The following AKNAD1 variants were observed in gnomAD, a reference collection of about 807,000 sequenced individuals.
AKNAD1 encodes AKNA domain containing 1, also known as protein AKNAD1.
In AKNAD1, 67 loss-of-function variants were observed where a neutral mutation model predicts 90.8. That is an observed-to-expected ratio of 0.74 (90% CI 0.61 to 0.90). The LOEUF (loss-of-function observed/expected upper bound fraction) is 0.90. Ranked by LOEUF, AKNAD1 falls within the 40% of genes least tolerant of loss-of-function variation. The pLI, the probability that AKNAD1 is intolerant of heterozygous loss-of-function variation, is 0.00. For missense variants in AKNAD1, 957 were observed against 975.4 expected (o/e 0.98, Z 0.25); for synonymous variants, 327 against 341.4 (o/e 0.96, Z 0.46).
At chr1:108,826,741 TC>T (rs67732846) in intron 11 of AKNAD1, among the ~76,000 whole-genome samples, 49,610 of 124,138 alleles carry the variant, frequency 0.4, 10,578 homozygotes, top group Non-Finnish European at 0.49. Context: ...CTTTTCTTTT[TC>T]TTTTTTTTTT....
intron 15 of AKNAD1, 100 bp from the exon 16 acceptor site, chr1:108,816,402 G>A (rs1204543400): frequency 5.1e-5 from 66 of 1,295,638 alleles, no homozygotes; most frequent in Non-Finnish European, 6.5e-5. Flanking sequence ...GGAATTTGGG[G>A]AGTATTCCTG....
intron 6 of AKNAD1, among the ~76,000 whole-genome samples, 153 bp from the exon 7 acceptor site, chr1:108,837,859 G>C (rs1393967535): frequency 1.3e-5 from 2 of 152,200 alleles, no homozygotes; most frequent in African/African-American, 4.8e-5. Flanking sequence ...ACTGTTCATA[G>C]TTTCTCTGAC....
intron 6 of AKNAD1, 46 bp downstream of exon 6, chr1:108,843,088 G>A: frequency 6.3e-7 from 1 of 1,598,760 alleles, no homozygotes; most frequent in African/African-American, 1.3e-5. Context: ...ACCTGAAGGA[G>A]ATCACCTTTG....
intron 10 of AKNAD1, 44 bp from the exon 11 acceptor site, chr1:108,827,346 C>T: frequency 7.1e-7 from 1 of 1,403,242 alleles, no homozygotes; most frequent in Non-Finnish European, 1.0e-6. Flanking sequence ...TAGTGCATTT[C>T]CAATAGATAG....
intron 7 of AKNAD1, 103 bp from the exon 8 acceptor site, chr1:108,835,159 A>G (rs1570810792): frequency 3.0e-6 from 4 of 1,354,436 alleles, no homozygotes; most frequent in Non-Finnish European, 3.9e-6. Flanking sequence ...GCACCATAAC[A>G]TCCTGCCTGG....
intron 1 of AKNAD1, among the ~76,000 whole-genome samples, chr1:108,856,718 T>TAAACACACACACACACA (rs1287589720): frequency 2.8e-5 from 4 of 142,844 alleles, no homozygotes; most frequent in Non-Finnish European, 4.5e-5. Context: ...TCTCTCTCTC[T>TAAACACACACACACACA]CACACACACA....
Position 108,830,624 on chromosome 1 carries a change from C to T in AKNAD1, c.1773G>A (p.Arg591=), listed in dbSNP as rs1210898599. 2 of 1,614,008 alleles carry T rather than the reference C, an allele frequency of 1.2e-6. No homozygotes were observed. The highest frequency in any genetic ancestry group is 1.7e-6 in the Non-Finnish European group (2 of 1,180,046). The change falls in exon 10 of 16, where the codon AGG becomes AGA. Residue 591 remains arginine, a synonymous_variant. Transcript: ENST00000370001. The part of the protein sequence containing the change: ...SGEDPNGTPR[R]QDCAEMTAPS... ...GTGCCGTCATCTCTGCACAATCCTGCCTTCTTGGAGTGCCGTTGGGATCCT... is the reference window on the plus strand; with the variant it reads ...GTGCCGTCATCTCTGCACAATCCTGTCTTCTTGGAGTGCCGTTGGGATCCT...
chr1:108,823,013 T>C, intron 13 of AKNAD1: 1 of 602,992 alleles, frequency 1.7e-6, no homozygotes, highest in Non-Finnish European at 3.0e-6. Context: ...AGTAGGGATA[T>C]ATGTAAAGCA....
rs1339114979 is a variant in AKNAD1 at position 108,851,770 on chromosome 1, C to G, written c.895G>C (p.Val299Leu). The change falls in exon 2 of 16, where the codon GTG becomes CTG. Residue 299 changes from valine (V) to leucine (L), a missense_variant. Transcript: ENST00000370001. ...SSKSRDKPTL[V>L]QDSLETTPES... ...GGCGTGGTTTCTAGACTATCTTGCA[C>G]AAGAGTGGGTTTATCTCTCGACTTG... 6.2e-7 allele frequency: 1 copy of G among 1,614,004 alleles called. No homozygotes were observed. Among genetic ancestry groups the G allele is most frequent in the Non-Finnish European group, 8.5e-7 (1 of 1,180,002 alleles).
chr1:108,834,631 G>A (rs1664323038), intron 8 of AKNAD1, 103 bp from the exon 9 acceptor site: 2 of 1,203,288 alleles, frequency 1.7e-6, no homozygotes, highest in Non-Finnish European at 2.3e-6. Flanking sequence ...CTGGGATGGT[G>A]GGAGCGAGCA....
rs1570788994 is a variant in AKNAD1, at chr1:108,818,872, A to T, written c.2249+1673T>A. Among the ~76,000 whole-genome samples, 5 of 150,340 alleles carry T rather than the reference A, an allele frequency of 3.3e-5. No individual in the cohort carries two copies. In the East Asian group the frequency reaches 8.1e-4, roughly 24 times the overall value. ...CAGCTACACGGGAGGCTGAGGCAGG[A>T]GACTCACTTGAACCTGGTGGGGCAG... On this transcript the variant is annotated intron_variant, in intron 14 of 15. Coordinates refer to ENST00000370001, the MANE Select transcript of AKNAD1 (RefSeq NM_152763.5).
chr1:108,829,772 T>C (rs942109086), intron 10 of AKNAD1, among the ~76,000 whole-genome samples: 5 of 152,202 alleles, frequency 3.3e-5, no homozygotes, highest in Non-Finnish European at 7.3e-5. Context: ...TAACAGTGGT[T>C]GCTAAACACC....
At chr1:108,819,885 G>A (rs1361193799) in intron 14 of AKNAD1, among the ~76,000 whole-genome samples, 1 of 134,592 alleles carries the variant, frequency 7.4e-6, no homozygotes, top group East Asian at 2.4e-4. Flanking sequence ...GACAGAGGGA[G>A]ACCCTATCTC....
intron 14 of AKNAD1, among the ~76,000 whole-genome samples, chr1:108,818,247 T>C (rs1006717144): frequency 6.6e-6 from 1 of 152,236 alleles, no homozygotes; most frequent in African/African-American, 2.4e-5. Flanking sequence ...CTGTTAAGCA[T>C]TACTTTGGTG....
At chr1:108,838,621 C>T (rs1401420880) in intron 6 of AKNAD1, among the ~76,000 whole-genome samples, 1 of 151,704 alleles carries the variant, frequency 6.6e-6, no homozygotes, top group Non-Finnish European at 1.5e-5. Flanking sequence ...ATAAATGAGA[C>T]TTAAAAGAAT....
At chr1:108,854,678 A>C (rs1664981077) in intron 1 of AKNAD1, among the ~76,000 whole-genome samples, 1 of 152,230 alleles carries the variant, frequency 6.6e-6, no homozygotes, top group African/African-American at 2.4e-5. Flanking sequence ...ATTTTAAATC[A>C]TTTAAAGAGG....
At position 108,820,636 on chromosome 1, in the gene AKNAD1, G is replaced by T; in HGVS notation, c.2168-10C>A. ...TTGGGTTTTAAAAAAGCTGAAAAATGTTAGCTATCATTAAATTCAGAGTAT... is the reference window on the plus strand; with the variant it reads ...TTGGGTTTTAAAAAAGCTGAAAAATTTTAGCTATCATTAAATTCAGAGTAT... On this transcript the variant is annotated splice_polypyrimidine_tract_variant and intron_variant, in intron 13 of 15. Transcript: ENST00000370001. The T allele has an allele frequency of 6.4e-7, 1 of 1,562,800 alleles. No homozygotes were observed. Among genetic ancestry groups the T allele is most frequent in the Non-Finnish European group, 8.8e-7 (1 of 1,137,774 alleles).
At chr1:108,841,920 G>T (rs1296462965) in intron 6 of AKNAD1, among the ~76,000 whole-genome samples, 2 of 152,062 alleles carry the variant, frequency 1.3e-5, no homozygotes, top group Non-Finnish European at 2.9e-5. Flanking sequence ...TTATACTCAT[G>T]CCAGGCACAG....
At position 108,852,387 on chromosome 1, in the gene AKNAD1, G is replaced by A; in HGVS notation, c.278C>T (p.Ala93Val). Residue 93 changes from alanine to valine, a missense_variant, in exon 2 of 16, where the codon GCA becomes GTA. Transcript: ENST00000370001. ...TTCATTTGCTGGAATATGAAGAGCTGCAGTGCATTGTTTCTCTTTCTCGTC... is the reference window on the plus strand; with the variant it reads ...TTCATTTGCTGGAATATGAAGAGCTACAGTGCATTGTTTCTCTTTCTCGTC... ...KKDEKEKQCT[A>V]ALHIPANEGD... is the part of the protein sequence containing the mutation. The A allele has an allele frequency of 4.3e-6, 7 of 1,614,008 alleles. No individual in the cohort carries two copies. The highest frequency in any genetic ancestry group is 5.1e-6 in the Non-Finnish European group (6 of 1,180,004).
Sources: allele counts gnomAD v4.1 joint callset (sites outside exome capture counted in the v4.1 genomes callset), GRCh38; gene constraint gnomAD v4.1.1; transcripts MANE v1.5; gene names NCBI Gene and HGNC (gene_info 2026-07-23, HGNC 2026-07-21).